GON4L: variants seen among roughly 807,000 people sequenced by gnomAD.
GON4L encodes the protein gon-4 like, also known as GON-4-like protein.
Under a neutral mutation model 211.8 loss-of-function variants are expected in GON4L, and 87 were observed. That is an observed-to-expected ratio of 0.41 (90% CI 0.35 to 0.49). The LOEUF is 0.49. Among genes scored for constraint, GON4L ranks in the 20% least tolerant of loss-of-function variants. The pLI is 0.15. For missense variants in GON4L, 2,155 were observed against 2,659.5 expected, an observed-to-expected ratio of 0.81 and a Z score of 4.17; for synonymous variants, 875 against 962.6, an observed-to-expected ratio of 0.91 and a Z score of 1.68.
chr1:155,762,487 A>C (rs774129191), intron 22 of GON4L, 113 bp from the exon 23 acceptor site: 2 of 884,552 alleles, frequency 2.3e-6, no homozygotes, highest in Non-Finnish European at 3.4e-6. Context: ...GAGCAATTCA[A>C]GGAAAAGGTT....
chr1:155,812,029 C>T (rs1667840177), intron 10 of GON4L, among the ~76,000 whole-genome samples: 1 of 151,590 alleles, frequency 6.6e-6, no homozygotes, highest in African/African-American at 2.4e-5. Context: ...CCAGCCTGGG[C>T]AAGAGAGTGA....
chr1:155,810,513 C>T (rs1160311504), intron 10 of GON4L, among the ~76,000 whole-genome samples: 1 of 150,944 alleles, frequency 6.6e-6, no homozygotes, highest in Non-Finnish European at 1.5e-5. Context: ...CGAGACCATC[C>T]TGGCTAACAC....
rs1432972853 is a variant in GON4L, at chr1:155,766,100, C to T, written c.3373G>A (p.Val1125Ile). Reference sequence around the variant, plus strand: ...GGTTTCATACAGGGAGAGGCCTTGACTCCTCTTCTCTTTGAGGGTCTCCGT... The same window carrying T: ...GGTTTCATACAGGGAGAGGCCTTGATTCCTCTTCTCTTTGAGGGTCTCCGT... ...VRRRPSKRRGVKASPCMKPAP... is the reference protein window; with the variant it reads ...VRRRPSKRRGIKASPCMKPAP... Residue 1125 changes from valine to isoleucine, a missense_variant, in exon 21 of 32, where the codon GTC becomes ATC. This residue lies in a region of GON4L where 615 missense variants were observed against 625.7 expected (regional missense o/e 0.98). Transcript: ENST00000368331. 6.2e-7 allele frequency: 1 copy of T among 1,614,178 alleles called. No individual in the cohort carries two copies. The highest frequency in any genetic ancestry group is 1.6e-4 in the Middle Eastern group (1 of 6,062).
At chr1:155,854,828 G>A (rs1364622944) in intron 1 of GON4L, among the ~76,000 whole-genome samples, 1 of 152,098 alleles carries the variant, frequency 6.6e-6, no homozygotes, top group Non-Finnish European at 1.5e-5. Context: ...CTGAGGTCAG[G>A]AGTTCGAGAC....
chr1:155,769,470 G>T (rs1360897347), intron 19 of GON4L, among the ~76,000 whole-genome samples: 1 of 152,114 alleles, frequency 6.6e-6, no homozygotes, highest in Non-Finnish European at 1.5e-5. Flanking sequence ...CAAGCCCAGA[G>T]AGCAACACGC....
chr1:155,824,154 T>C (rs1668967703), intron 3 of GON4L, among the ~76,000 whole-genome samples: 1 of 151,686 alleles, frequency 6.6e-6, no homozygotes, highest in Non-Finnish European at 1.5e-5. Flanking sequence ...CCAGGTGCAG[T>C]GGTTTGCACC....
At chr1:155,763,593 A>G (rs990472987) in intron 21 of GON4L, 29 bp from the exon 22 acceptor site, 4 of 1,479,100 alleles carry the variant, frequency 2.7e-6, no homozygotes, top group African/African-American at 2.8e-5. Context: ...AGTACTTATA[A>G]TGGCTCTTAG....
At position 155,795,086 on chromosome 1, in the gene GON4L, C is replaced by G; in HGVS notation, c.1711G>C (p.Glu571Gln). The G allele has an allele frequency of 1.2e-6, 2 of 1,608,750 alleles. No individual in the cohort carries two copies. Among genetic ancestry groups the G allele is most frequent in the Non-Finnish European group, 1.7e-6 (2 of 1,175,060 alleles). The change falls in exon 12 of 32, where the codon GAG (glutamate) becomes CAG (glutamine). Residue 571 changes from glutamate to glutamine, a missense_variant. By Grantham distance (29) the Glu-to-Gln change is conservative (BLOSUM62 2). Coordinates refer to ENST00000368331, the MANE Select transcript of GON4L (RefSeq NM_001282860.2). ...FLEDLDEPDTEDFRTDRAVRI... is the reference protein window; with the variant it reads ...FLEDLDEPDTQDFRTDRAVRI... ...ACTGCCCGGTCAGTCCGGAAATCCT[C>G]TGTGTCTGGTTCATCGAGGTCTTCC...
chr1:155,757,244 C>T lies in GON4L; in HGVS notation c.5333G>A (p.Arg1778His), dbSNP rs928268693. The T allele has an allele frequency of 9.3e-6, 15 of 1,613,906 alleles. No homozygotes were observed. Among genetic ancestry groups the T allele is most frequent in the African/African-American group, 1.3e-5 (1 of 75,024 alleles). Reference sequence around the variant, plus strand: ...GTCACCCATCCGGCTAGCTGCTGGGCGCAAGTGGTCAAAGAAGATAGAAAA... The same window carrying T: ...GTCACCCATCCGGCTAGCTGCTGGGTGCAAGTGGTCAAAGAAGATAGAAAA... The part of the protein sequence containing the change: ...DEFSIFFDHL[R>H]PAASRMGDFE... The change falls in exon 26 of 32, where the codon CGC becomes CAC. Residue 1778 changes from arginine to histidine, a missense_variant. By Grantham distance (29) the Arg-to-His change is conservative (BLOSUM62 0). This residue lies in a region of GON4L where 455 missense variants were observed against 504.6 expected (regional missense o/e 0.90). Transcript: ENST00000368331.
Position 155,836,314 on chromosome 1 carries a change from A to G in GON4L, c.506-9286T>C, listed in dbSNP as rs567024946. ...ACCCAGGGTGGAGTGCAGTGGCACAATCTCGGCTCACTGCAACCTCGCCTC... is the reference window on the plus strand; with the variant it reads ...ACCCAGGGTGGAGTGCAGTGGCACAGTCTCGGCTCACTGCAACCTCGCCTC... On this transcript the variant is annotated intron_variant, in intron 2 of 31. Coordinates refer to ENST00000368331, the MANE Select transcript of GON4L (RefSeq NM_001282860.2). 3.4e-5 allele frequency among the ~76,000 whole-genome samples: 5 copies of G among 148,942 alleles called. No homozygotes were observed. In the Admixed American group the frequency reaches 3.4e-4, roughly 10 times the overall value.
At chr1:155,780,032 A>G (rs1393608289) in intron 14 of GON4L, among the ~76,000 whole-genome samples, 1 of 151,346 alleles carries the variant, frequency 6.6e-6, no homozygotes, top group East Asian at 2.0e-4. Flanking sequence ...CCACTGACCT[A>G]AAGTGATCCA....
chr1:155,762,081 A>G, intron 23 of GON4L, 109 bp downstream of exon 23: 1 of 799,672 alleles, frequency 1.3e-6, no homozygotes, highest in Non-Finnish European at 2.1e-6. Context: ...GAGGAATATG[A>G]AGCCTGTTGC....
rs144106148 is a variant in GON4L, at chr1:155,775,120, G to A, written c.2232C>T (p.Asn744=). The change falls in exon 17 of 32, where the codon AAC becomes AAT. Residue 744 remains asparagine, a synonymous_variant. Transcript: ENST00000368331. The stretch of plus-strand genomic sequence containing the variant: ...GTTGGAACAGGGTCTGAAACTTGGG[G>A]TTGTACTGATGGTGAAGGGCGATGG... ...QSSIALHHQY[N]PKFQTLFQPC... 2.2e-4 allele frequency: 362 copies of A among 1,614,114 alleles called. 2 individuals carry two copies. In the African/African-American group the frequency reaches 4.4e-3, roughly 19 times the overall value.
chr1:155,750,456 T>C lies in GON4L; in HGVS notation c.*128A>G. 1 of 637,742 alleles carries C rather than the reference T, an allele frequency of 1.6e-6. No homozygotes were observed. The highest frequency in any genetic ancestry group is 2.9e-6 in the Non-Finnish European group (1 of 349,932). 39.5% of individuals were successfully genotyped at this position (637,742 alleles called of 1,614,324 possible). The stretch of plus-strand genomic sequence containing the variant: ...TACTCCATCCTCCAGCCTTTGTCCT[T>C]GTCCTGGCCTCCTGCTCTCCAGATC... On this transcript the variant is annotated 3_prime_UTR_variant, in exon 32 of 32. Coordinates refer to ENST00000368331, the MANE Select transcript of GON4L (RefSeq NM_001282860.2).
At chr1:155,747,976 G>A (rs759134707), downstream of GON4L, 2 of 1,580,640 alleles carry the variant, frequency 1.3e-6, no homozygotes, top group East Asian at 4.5e-5. Context: ...TTCTTTACGA[G>A]GAGGCCCAGA....
At chr1:155,763,813 G>A (rs1172309918) in intron 21 of GON4L, among the ~76,000 whole-genome samples, 1 of 152,104 alleles carries the variant, frequency 6.6e-6, no homozygotes, top group African/African-American at 2.4e-5. Flanking sequence ...GACCAGCCTC[G>A]CCAACATGAT....
chr1:155,837,840 G>GA (rs1311141775), intron 2 of GON4L, among the ~76,000 whole-genome samples: 2 of 150,986 alleles, frequency 1.3e-5, no homozygotes, highest in Admixed American at 6.6e-5. Context: ...TTACCTATTA[G>GA]AAAAAAAAAG....
intron 6 of GON4L, among the ~76,000 whole-genome samples, chr1:155,817,443 G>A (rs1668348761): frequency 6.6e-6 from 1 of 152,112 alleles, no homozygotes; most frequent in Non-Finnish European, 1.5e-5. Context: ...AGGAGTCTTA[G>A]CTTCTCAAAT....
chr1:155,801,274 T>G (rs576487250), intron 11 of GON4L, among the ~76,000 whole-genome samples: 73 of 152,296 alleles, frequency 4.8e-4, no homozygotes, highest in African/African-American at 1.7e-3. Flanking sequence ...TACATTTTTT[T>G]CTGGGGGAAG....
Sources: allele counts gnomAD v4.1 joint callset (sites outside exome capture counted in the v4.1 genomes callset), GRCh38; gene constraint gnomAD v4.1.1; regional missense constraint gnomAD v4.1.1; transcripts MANE v1.5; gene names NCBI Gene and HGNC (gene_info 2026-07-23, HGNC 2026-07-21).